Variants in FLT3 observed in about 807,000 individuals in gnomAD.
The protein encoded by FLT3 is fms related receptor tyrosine kinase 3.
FLT3 carries 46 observed loss-of-function variants against 126.6 expected under a neutral mutation model. The ratio of observed to expected loss-of-function variants is 0.36; its 90% CI spans 0.29 to 0.46. The LOEUF is 0.46. Ranked by LOEUF, FLT3 falls within the 20% of genes least tolerant of loss-of-function variation. The pLI is 1.00. For synonymous variants in FLT3, 404 were observed against 434.4 expected, an observed-to-expected ratio of 0.93 and a Z score of 0.87; for missense variants, 1,069 against 1,190.3, an observed-to-expected ratio of 0.90 and a Z score of 1.50.
chr13:28,070,991 CTTTTTTT>C (rs11408684), intron 1 of FLT3, among the ~76,000 whole-genome samples: 3 of 90,890 alleles, frequency 3.3e-5, no homozygotes, highest in Non-Finnish European at 5.8e-5. Flanking sequence ...AGATTTCTAC[CTTTTTTT>C]TTTTTTTTTT....
intron 15 of FLT3, 42 bp from the exon 16 acceptor site, chr13:28,028,330 A>T (rs1030086933): frequency 9.7e-7 from 1 of 1,029,568 alleles, no homozygotes; most frequent in Non-Finnish European, 1.5e-6. Context: ...ACTCAAGTAA[A>T]ATACGAATTT....
intron 3 of FLT3, among the ~76,000 whole-genome samples, chr13:28,059,924 C>T (rs951220243): frequency 2.6e-5 from 4 of 151,982 alleles, no homozygotes; most frequent in African/African-American, 7.2e-5. Context: ...CATGCCACTG[C>T]ACTCCAGCCT....
chr13:28,014,996 G>A (rs1871711487), intron 22 of FLT3, among the ~76,000 whole-genome samples, 161 bp downstream of exon 22: 1 of 152,134 alleles, frequency 6.6e-6, no homozygotes, highest in Admixed American at 6.5e-5. Flanking sequence ...AGGAGTTTGA[G>A]ACCAGCCTGG....
intron 7 of FLT3, 21 bp downstream of exon 7, chr13:28,049,614 A>G (rs1337132078): frequency 6.2e-7 from 1 of 1,613,754 alleles, no homozygotes; most frequent in Non-Finnish European, 8.5e-7. Flanking sequence ...GCATTTTCAG[A>G]ATACAAACTT....
At chr13:28,012,416 C>CT (rs562592877) in intron 23 of FLT3, among the ~76,000 whole-genome samples, 96 of 152,108 alleles carry the variant, frequency 6.3e-4, no homozygotes, top group African/African-American at 2.3e-3. Flanking sequence ...GAGCTTTGCA[C>CT]TTTTTTTTCC....
intron 1 of FLT3, among the ~76,000 whole-genome samples, chr13:28,096,459 T>A (rs1381076564): frequency 6.6e-6 from 1 of 151,712 alleles, no homozygotes; most frequent in East Asian, 1.9e-4. Context: ...TTTTTTGAGA[T>A]GGAGTCGCAC....
At chr13:28,060,247 A>AG (rs954223860) in intron 3 of FLT3, among the ~76,000 whole-genome samples, 5 of 149,280 alleles carry the variant, frequency 3.3e-5, no homozygotes, top group Non-Finnish European at 7.4e-5. Context: ...ATACAAAAAA[A>AG]AAAAAAAAAA....
At chr13:28,051,660 T>C (rs1034457645) in intron 5 of FLT3, among the ~76,000 whole-genome samples, 4 of 151,514 alleles carry the variant, frequency 2.6e-5, no homozygotes, top group Non-Finnish European at 5.9e-5. Flanking sequence ...TTCTCCTGCC[T>C]CAGCCTCCTG....
chr13:28,079,386 C>T (rs1449212407), intron 1 of FLT3, among the ~76,000 whole-genome samples: 2 of 152,116 alleles, frequency 1.3e-5, no homozygotes, highest in Admixed American at 6.6e-5. Context: ...CCAAGCTTTC[C>T]CACATTTTCC....
chr13:28,025,542 C>A (rs1872723443), intron 17 of FLT3: 2 of 307,930 alleles, frequency 6.5e-6, no homozygotes, highest in Non-Finnish European at 1.3e-5. Context: ...GAGTTTAACC[C>A]AATTTACAAT....
rs1239472881 is a variant in FLT3, at chr13:28,050,105, C to T, written c.732G>A (p.Leu244=). 7 of 1,613,890 alleles carry T rather than the reference C, an allele frequency of 4.3e-6. No homozygotes were observed. In the African/African-American group the frequency reaches 9.3e-5, roughly 22 times the overall value. The change falls in exon 6 of 24, where the codon CTG becomes CTA. Residue 244 remains leucine, a synonymous_variant. Transcript: ENST00000241453. ...RNELGRECTR[L]FTIDLNQTPQ... ...ATATTATAGTGTTACCTATTGTGAA[C>T]AGCCTGGTGCATTCCCTGCCCAGTT... is the stretch of plus-strand genomic sequence containing the variant.
Position 28,100,323 on chromosome 13 carries a change from G to C in FLT3, c.43+145C>G. ...GGGCGAGTCCGGAGGGCGCGAAAGA[G>C]GGGAGGGGCGCGGGAGGCAATGGAA... On this transcript the variant is annotated intron_variant, in intron 1 of 23. Transcript: ENST00000241453. This position sits in a 1 kb window ranked among gnomAD's most constrained non-coding sequence, Gnocchi z 4.8. 1 of 483,188 alleles carries C rather than the reference G, an allele frequency of 2.1e-6. No individual in the cohort carries two copies. Among genetic ancestry groups the C allele is most frequent in the East Asian group, 4.1e-5 (1 of 24,536 alleles). 29.9% of individuals were successfully genotyped at this position (483,188 alleles called of 1,614,324 possible). A position where few individuals can be genotyped will look rare whatever the true frequency, so the allele number is the denominator to read the frequency against.
chr13:28,086,840 T>C (rs939771610), intron 1 of FLT3, among the ~76,000 whole-genome samples: 1 of 152,074 alleles, frequency 6.6e-6, no homozygotes, highest in African/African-American at 2.4e-5. Context: ...ACAGATGGGG[T>C]TCCACCATGC....
intron 9 of FLT3, among the ~76,000 whole-genome samples, chr13:28,041,286 A>G (rs1210070602): frequency 6.6e-6 from 1 of 152,190 alleles, no homozygotes; most frequent in African/African-American, 2.4e-5. Flanking sequence ...CTCTCTGGAC[A>G]ATGGCCAAAG....
intron 19 of FLT3, among the ~76,000 whole-genome samples, chr13:28,021,928 G>A (rs1399600964): frequency 1.3e-5 from 2 of 151,854 alleles, no homozygotes; most frequent in South Asian, 2.1e-4. Context: ...GTATAGAGAC[G>A]GGGTTTCACC....
At chr13:28,058,100 T>G (rs1285637617) in intron 3 of FLT3, among the ~76,000 whole-genome samples, 4 of 149,866 alleles carry the variant, frequency 2.7e-5, no homozygotes, top group African/African-American at 9.8e-5. Flanking sequence ...GGCTCACACA[T>G]GTAATCCCAG....
At chr13:28,070,680 T>C (rs1877428002) in intron 1 of FLT3, 68 bp from the exon 2 acceptor site, 3 of 1,261,410 alleles carry the variant, frequency 2.4e-6, no homozygotes, top group African/African-American at 1.5e-5. Flanking sequence ...TGCATTTATC[T>C]TGCAACCAAA....
In FLT3 at chr13:28,023,387, T is replaced by C. The variant is rs1244508922; in HGVS notation, c.2381A>G (p.Gln794Arg). The change falls in exon 19 of 24, where the codon CAA becomes CGA. Residue 794 changes from glutamine to arginine, a missense_variant. Coordinates refer to ENST00000241453, the MANE Select transcript of FLT3 (RefSeq NM_004119.3). ...TFEDLLCFAY[Q>R]VAKGMEFLEF... ...CAGAAATTCCATTCCTTTGGCAACT[T>C]GATATGCAAAGCAAAGAAGATCTTC... 1 of 1,613,828 alleles carries C rather than the reference T, an allele frequency of 6.2e-7. No individual in the cohort carries two copies. The highest frequency in any genetic ancestry group is 1.3e-5 in the African/African-American group (1 of 74,940).
At chr13:28,052,206 T>C (rs1875565130) in intron 5 of FLT3, among the ~76,000 whole-genome samples, 1 of 151,836 alleles carries the variant, frequency 6.6e-6, no homozygotes, top group Admixed American at 6.6e-5. Flanking sequence ...GAGATTCTCC[T>C]GCCTCAGCCT....
Sources: allele counts gnomAD v4.1 joint callset (sites outside exome capture counted in the v4.1 genomes callset), GRCh38; gene constraint gnomAD v4.1.1; non-coding constraint Gnocchi (gnomAD v3.1); transcripts MANE v1.5; gene names NCBI Gene and HGNC (gene_info 2026-07-23, HGNC 2026-07-21).